The following RALA variants were observed in gnomAD, a reference collection of about 807,000 sequenced individuals.
The protein encoded by RALA is ras-related protein Ral-A.
A neutral mutation model predicts 24.0 loss-of-function variants in RALA; 5 were observed. That is an observed-to-expected ratio of 0.21 (90% CI 0.11 to 0.44). The LOEUF is 0.44. Among genes scored for constraint, RALA ranks in the 20% least tolerant of loss-of-function variants. The probability of loss-of-function intolerance (pLI) is 0.99; values close to 1 mark genes in which losing one functional copy is unlikely to be tolerated. For missense variants in RALA, 95 were observed against 241.2 expected, an observed-to-expected ratio of 0.39 and a Z score of 4.01; for synonymous variants, 77 against 83.8, an observed-to-expected ratio of 0.92 and a Z score of 0.44.
chr7:39,681,302 C>CTTTTTTT lies in RALA; in HGVS notation c.-37-5302_-37-5296dup, dbSNP rs70996832. Among the ~76,000 whole-genome samples the CTTTTTTT allele has an allele frequency of 2.1e-3, 103 of 50,048 alleles. 8 individuals carry two copies. Among genetic ancestry groups the CTTTTTTT allele is most frequent in the African/African-American group, 4.5e-3 (57 of 12,600 alleles). 32.8% of individuals were successfully genotyped at this position (50,048 alleles called of 152,430 possible). ...TCCTCAACCCAAACCCACCCTATTCCTTTTTTTTTTTTTTTTTTTTTTTTT... is the reference window on the plus strand; with the variant it reads ...TCCTCAACCCAAACCCACCCTATTCCTTTTTTTTTTTTTTTTTTTTTTTTTTTTTTTT... On this transcript the variant is annotated intron_variant, in intron 1 of 4. Coordinates refer to ENST00000005257, the MANE Select transcript of RALA (RefSeq NM_005402.4).
intron 1 of RALA, 60 bp from the exon 2 acceptor site, chr7:39,686,571 T>C: frequency 5.1e-6 from 5 of 984,566 alleles, no homozygotes; most frequent in Non-Finnish European, 8.0e-6. Flanking sequence ...TATCTCTTTC[T>C]TACACTGGAA....
intron 2 of RALA, 58 bp downstream of exon 2, chr7:39,686,839 C>A: frequency 7.5e-7 from 1 of 1,331,982 alleles, no homozygotes; most frequent in Non-Finnish European, 1.1e-6. Flanking sequence ...ATTTCCCTAG[C>A]TTAGTTTTGG....
chr7:39,627,912 T>C (rs576723189), intron 1 of RALA, among the ~76,000 whole-genome samples: 3 of 152,342 alleles, frequency 2.0e-5, no homozygotes, highest in South Asian at 4.1e-4. Context: ...CTTAATCTCA[T>C]ATACAAAACC....
intron 1 of RALA, among the ~76,000 whole-genome samples, chr7:39,652,880 C>T (rs989948749): frequency 6.6e-6 from 1 of 151,778 alleles, no homozygotes; most frequent in African/African-American, 2.4e-5. Context: ...ATTCTCCCAC[C>T]TCAGCTTCTC....
intron 1 of RALA, among the ~76,000 whole-genome samples, chr7:39,629,366 C>T (rs1220942945): frequency 6.6e-6 from 1 of 152,124 alleles, no homozygotes; most frequent in Non-Finnish European, 1.5e-5. Flanking sequence ...GTTTAAGGGT[C>T]ATTTTAATAT....
At chr7:39,699,470 C>T (rs929629760) in intron 4 of RALA, among the ~76,000 whole-genome samples, 2 of 152,196 alleles carry the variant, frequency 1.3e-5, no homozygotes, top group Non-Finnish European at 2.9e-5. Flanking sequence ...ACAAATTATG[C>T]ACTCACGTAT....
intron 1 of RALA, among the ~76,000 whole-genome samples, chr7:39,647,432 C>G (rs947503939): frequency 2.6e-5 from 4 of 152,178 alleles, no homozygotes; most frequent in African/African-American, 4.8e-5. Context: ...CTGTGTCTAT[C>G]CTAGGTGTAT....
At chr7:39,646,305 C>T (rs1465621883) in intron 1 of RALA, among the ~76,000 whole-genome samples, 1 of 151,078 alleles carries the variant, frequency 6.6e-6, no homozygotes, top group Non-Finnish European at 1.5e-5. Flanking sequence ...CAACCCCCCG[C>T]CAAAAATAAA....
chr7:39,628,007 C>T (rs1791523552), intron 1 of RALA, among the ~76,000 whole-genome samples: 1 of 151,730 alleles, frequency 6.6e-6, no homozygotes, highest in Admixed American at 6.6e-5. Flanking sequence ...ACCCTTTAGC[C>T]TTATCTCTCT....
intron 1 of RALA, among the ~76,000 whole-genome samples, chr7:39,654,741 TTTTGTTTGTTTG>T (rs536439659): frequency 3.3e-5 from 5 of 151,966 alleles, no homozygotes; most frequent in Admixed American, 1.3e-4. Flanking sequence ...GAATCTAAAT[TTTTGTTTGTTTG>T]TTTGTTTGTT....
intron 1 of RALA, among the ~76,000 whole-genome samples, chr7:39,641,868 A>G (rs1791823678): frequency 1.3e-5 from 2 of 152,224 alleles, no homozygotes; most frequent in African/African-American, 4.8e-5. Flanking sequence ...GAATTTGTTC[A>G]TGTAGTTGAA....
chr7:39,682,642 G>A (rs1049727176), intron 1 of RALA, among the ~76,000 whole-genome samples: 4 of 152,018 alleles, frequency 2.6e-5, no homozygotes, highest in African/African-American at 9.7e-5. Flanking sequence ...TCATGTGTTG[G>A]CACTTTTTTT....
intron 1 of RALA, among the ~76,000 whole-genome samples, chr7:39,633,575 G>A (rs1791634219): frequency 6.6e-6 from 1 of 152,178 alleles, no homozygotes; most frequent in African/African-American, 2.4e-5. Flanking sequence ...TCAACAAGTG[G>A]GGTTATGGCG....
In RALA at chr7:39,664,298, G is replaced by A. The variant is rs1249666829; in HGVS notation, c.-37-22333G>A. Among the ~76,000 whole-genome samples the A allele has an allele frequency of 6.6e-5, 10 of 152,144 alleles. No homozygotes were observed. The East Asian group carries it at 1.9e-3, about 29-fold the overall frequency. ...GATAAACACCAGCTGCCAGTCTTTA[G>A]GTTGTTGTACAACAAGAAGGCATGG... On this transcript the variant is annotated intron_variant, in intron 1 of 4. Transcript: ENST00000005257.
chr7:39,636,380 T>C (rs1162149458), intron 1 of RALA, among the ~76,000 whole-genome samples: 1 of 152,228 alleles, frequency 6.6e-6, no homozygotes, highest in East Asian at 1.9e-4. Flanking sequence ...GTTATTGTCT[T>C]ATCTTTTTTA....
chr7:39,700,689 G>A (rs1351415464), intron 4 of RALA: 6 of 152,184 alleles, frequency 3.9e-5, no homozygotes, highest in African/African-American at 1.4e-4. Context: ...GCAGGATTCT[G>A]GAAAAGCACA....
chr7:39,624,273 C>T (rs1300845587), intron 1 of RALA: 1 of 151,714 alleles, frequency 6.6e-6, no homozygotes, highest in Non-Finnish European at 1.5e-5. Context: ...TAAGCATCTC[C>T]GCCAGGGTTT....
chr7:39,645,126 A>C (rs1791902611), intron 1 of RALA, among the ~76,000 whole-genome samples: 1 of 152,206 alleles, frequency 6.6e-6, no homozygotes, highest in East Asian at 1.9e-4. Context: ...TATTGAGACT[A>C]TAATTGTAAC....
At chr7:39,664,703 A>G (rs1332835119) in intron 1 of RALA, among the ~76,000 whole-genome samples, 1 of 152,192 alleles carries the variant, frequency 6.6e-6, no homozygotes, top group Non-Finnish European at 1.5e-5. Context: ...GCCCCAAACA[A>G]TAAATTCCTG....
Sources: gnomAD v4.1 joint callset for allele counts (sites outside exome capture counted in the v4.1 genomes callset) on GRCh38, gnomAD v4.1.1 for gene constraint, MANE v1.5 for transcripts, NCBI Gene and HGNC (gene_info 2026-07-23, HGNC 2026-07-21) for gene names.